Variants in ADAM15 observed in about 807,000 individuals in gnomAD.
The protein encoded by ADAM15 is ADAM metallopeptidase domain 15.
Under a neutral mutation model 113.8 loss-of-function variants are expected in ADAM15, and 77 were observed. That is an observed-to-expected ratio of 0.68 (90% CI 0.56 to 0.82). ADAM15 has a LOEUF of 0.82. ADAM15 is among the 40% of genes least tolerant of loss of function. ADAM15 has a pLI of 0.00. For missense variants in ADAM15, 963 were observed against 1,120.1 expected (o/e 0.86, Z 2.00); for synonymous variants, 388 against 454.1 (o/e 0.85, Z 1.85).
At chr1:155,061,342 C>T in intron 19 of ADAM15, 73 bp from the exon 20 acceptor site, 4 of 1,283,212 alleles carry the variant, frequency 3.1e-6, no homozygotes, top group Non-Finnish European at 4.4e-6. Flanking sequence ...TGGGCACTGA[C>T]CCTTCCCTGC....
intron 18 of ADAM15, 91 bp from the exon 19 acceptor site, chr1:155,060,672 G>T: frequency 7.1e-7 from 1 of 1,405,562 alleles, no homozygotes; most frequent in Non-Finnish European, 1.0e-6. Flanking sequence ...ATAAGTGCCT[G>T]CAAAGGGTTA....
At chr1:155,059,684 A>C (rs1348048234) in intron 16 of ADAM15, among the ~76,000 whole-genome samples, 1 of 152,192 alleles carries the variant, frequency 6.6e-6, no homozygotes, top group African/African-American at 2.4e-5. Flanking sequence ...ACAAAGAAAG[A>C]AAGCATGTAC....
chr1:155,051,549 G>A, intron 1 of ADAM15, 84 bp downstream of exon 1: 1 of 1,297,234 alleles, frequency 7.7e-7, no homozygotes, highest in Non-Finnish European at 1.0e-6. Context: ...TAATGGGGCC[G>A]GACGGAGACC....
chr1:155,057,403 A>T lies in ADAM15; in HGVS notation c.1323+41A>T, dbSNP rs1286194924. The stretch of plus-strand genomic sequence containing the variant: ...AAAGCCTCGCCCCACTCACTTCTGT[A>T]CCCTCACCCTGGCTCATTAGCCCTA... On this transcript the variant is annotated intron_variant, in intron 12 of 22. Coordinates refer to ENST00000356955, the MANE Select transcript of ADAM15 (RefSeq NM_207197.3). This position sits in a 1 kb window ranked among gnomAD's most constrained non-coding sequence, Gnocchi z 5.0. 6.2e-7 allele frequency: 1 copy of T among 1,609,064 alleles called. No individual in the cohort carries two copies.
At chr1:155,052,893 G>A in intron 2 of ADAM15, 116 bp downstream of exon 2, 2 of 1,377,718 alleles carry the variant, frequency 1.5e-6, no homozygotes, top group Non-Finnish European at 9.8e-7. Flanking sequence ...ACTGTAGTGG[G>A]TCTATCCCAG....
chr1:155,054,444 C>T lies in ADAM15; in HGVS notation c.550C>T (p.Arg184Trp), dbSNP rs766437810. 11 of 1,613,158 alleles carry T rather than the reference C, an allele frequency of 6.8e-6. No homozygotes were observed. Among genetic ancestry groups the T allele is most frequent in the Admixed American group, 5.0e-5 (3 of 59,852 alleles). Residue 184 changes from arginine (R) to tryptophan (W), a missense_variant, in exon 6 of 23, where the codon CGG becomes TGG. Coordinates refer to ENST00000356955, the MANE Select transcript of ADAM15 (RefSeq NM_207197.3). Reference protein sequence around the residue: ...LPGHTCALSWRESVHTQKPPE... With the variant: ...LPGHTCALSWWESVHTQKPPE... The stretch of plus-strand genomic sequence containing the variant: ...AGGCCACACCTGTGCCCTGAGCTGG[C>T]GGGAATCTGTACACACTCAGAAGCC...
Position 155,052,831 on chromosome 1 carries a change from A to G in ADAM15, c.186+54A>G, listed in dbSNP as rs58409393. On this transcript the variant is annotated intron_variant, in intron 2 of 22. Transcript: ENST00000356955. ...AACGAATCCACACACGCCCCGGTAT[A>G]GCCAGGTGTCTCAAAGCCAAAGCTT... 3,129 of 1,545,430 alleles carry G rather than the reference A, an allele frequency of 2.0e-3. 55 individuals are homozygous for G. The African/African-American group carries it at 0.038, about 19-fold the overall frequency.
At chr1:155,060,960 A>T in intron 19 of ADAM15, 128 bp downstream of exon 19, 1 of 915,314 alleles carries the variant, frequency 1.1e-6, no homozygotes, top group Non-Finnish European at 1.6e-6. Flanking sequence ...CAGTCGAAGG[A>T]GTCAGGGCCA....
Position 155,056,540 on chromosome 1 carries a change from T to G in ADAM15, c.999+70T>G, listed in dbSNP as rs1051576553. ...CCCAAGTGTGGTGGCATTTATGCAC[T>G]GAAACCCCCCTATAAAGTTGCCCAA... On this transcript the variant is annotated intron_variant, in intron 10 of 22. Coordinates refer to ENST00000356955, the MANE Select transcript of ADAM15 (RefSeq NM_207197.3). The surrounding 1 kb of genome is among the most constrained non-coding windows in gnomAD (Gnocchi z 4.0). 2 of 1,484,728 alleles carry G rather than the reference T, an allele frequency of 1.3e-6. No homozygotes were observed. Among genetic ancestry groups the G allele is most frequent in the South Asian group, 1.2e-5 (1 of 85,796 alleles). The allele number at this position is 1,484,728 out of a possible 1,614,324, so 92.0% of individuals were successfully genotyped here. A position where few individuals can be genotyped will look rare whatever the true frequency, so the allele number is the denominator to read the frequency against.
Position 155,056,214 on chromosome 1 carries a change from G to A in ADAM15, c.879G>A (p.Leu293=). The A allele has an allele frequency of 1.2e-6, 2 of 1,613,990 alleles. No homozygotes were observed. The highest frequency in any genetic ancestry group is 1.7e-6 in the Non-Finnish European group (2 of 1,180,042). ...NFLHWRRAHL[L]PRLPHDSAQL... ...TCCACTGGCGCAGGGCACATTTGCTGCCTCGATTGCCCCATGACAGTGCCC... is the reference window on the plus strand; with the variant it reads ...TCCACTGGCGCAGGGCACATTTGCTACCTCGATTGCCCCATGACAGTGCCC... Residue 293 remains leucine (L), a synonymous_variant, in exon 9 of 23, where the codon CTG becomes CTA. Transcript: ENST00000356955. The surrounding 1 kb of genome is among the most constrained non-coding windows in gnomAD (Gnocchi z 4.0).
At position 155,056,842 on chromosome 1, in the gene ADAM15, C is replaced by T. The variant is rs989753925; in HGVS notation, c.1000-111C>T. On this transcript the variant is annotated intron_variant, in intron 10 of 22. Coordinates refer to ENST00000356955, the MANE Select transcript of ADAM15 (RefSeq NM_207197.3). This position sits in a 1 kb window ranked among gnomAD's most constrained non-coding sequence, Gnocchi z 4.0. ...CAATTCAGGAGGGAAGCAGTGCCTG[C>T]TGAGTGCCCACGAGGTCAGACGTGG... 15 of 1,439,110 alleles carry T rather than the reference C, an allele frequency of 1.0e-5. No individual in the cohort carries two copies. In the African/African-American group the frequency reaches 1.6e-4, roughly 15 times the overall value. 89.1% of individuals were successfully genotyped at this position (1,439,110 alleles called of 1,614,324 possible).
intron 18 of ADAM15, 46 bp from the exon 19 acceptor site, chr1:155,060,717 G>T: frequency 6.3e-7 from 1 of 1,581,014 alleles, no homozygotes; most frequent in Non-Finnish European, 8.7e-7. Context: ...TAGAAAACAG[G>T]GTCTGAGGCT....
chr1:155,058,321 C>A lies in ADAM15; in HGVS notation c.1797C>A (p.Leu599=). The A allele has an allele frequency of 6.2e-7, 1 of 1,614,114 alleles. No homozygotes were observed. Among genetic ancestry groups the A allele is most frequent in the Non-Finnish European group, 8.5e-7 (1 of 1,180,038 alleles). ...QPLLGSIRDL[L]WETIDVNGTE... ...TGCTGGGCTCCATCCGGGATCTACTCTGGGAGACAATAGATGTGAATGGGA... is the reference window on the plus strand; with the variant it reads ...TGCTGGGCTCCATCCGGGATCTACTATGGGAGACAATAGATGTGAATGGGA... The change falls in exon 15 of 23, where the codon CTC becomes CTA. Residue 599 remains leucine (L), a synonymous_variant. Transcript: ENST00000356955. The surrounding 1 kb of genome is among the most constrained non-coding windows in gnomAD (Gnocchi z 4.3).
Position 155,053,937 on chromosome 1 carries a change from G to T in ADAM15, c.291G>T (p.Leu97=). 2 of 1,614,180 alleles carry T rather than the reference G, an allele frequency of 1.2e-6. No homozygotes were observed. The highest frequency in any genetic ancestry group is 1.7e-6 in the Non-Finnish European group (2 of 1,180,030). The change falls in exon 4 of 23, where the codon CTG becomes CTT. Residue 97 remains leucine, a synonymous_variant. Transcript: ENST00000356955. ...AGTTGGTCCCAGGCCGCCCAACCCT[G>T]GTGTGGTACCAGCCCGATGGCACTC... ...NRELVPGRPT[L]VWYQPDGTRV...
In ADAM15 at chr1:155,057,424, C is replaced by A; in HGVS notation, c.1323+62C>A. On this transcript the variant is annotated intron_variant, in intron 12 of 22. Coordinates refer to ENST00000356955, the MANE Select transcript of ADAM15 (RefSeq NM_207197.3). The surrounding 1 kb of genome is among the most constrained non-coding windows in gnomAD (Gnocchi z 5.0). ...CTGTACCCTCACCCTGGCTCATTAGCCCTATCCCAGCCTCCTGAGCTCTTG... is the reference window on the plus strand; with the variant it reads ...CTGTACCCTCACCCTGGCTCATTAGACCTATCCCAGCCTCCTGAGCTCTTG... 1.3e-6 allele frequency: 2 copies of A among 1,597,170 alleles called. No homozygotes were observed. The highest frequency in any genetic ancestry group is 1.7e-6 in the Non-Finnish European group (2 of 1,167,900).
rs911955498 is a variant in ADAM15, at chr1:155,059,991, G to T, written c.2068+17G>T. 3.7e-6 allele frequency: 6 copies of T among 1,613,526 alleles called. No individual in the cohort carries two copies. The highest frequency in any genetic ancestry group is 1.6e-4 in the Middle Eastern group (1 of 6,074). The stretch of plus-strand genomic sequence containing the variant: ...AGCTCAAAGGTAGCATGGGGGTGGG[G>T]GACAGGGGCAGCTGGGAGGGCAAAG... On this transcript the variant is annotated intron_variant, in intron 17 of 22. Coordinates refer to ENST00000356955, the MANE Select transcript of ADAM15 (RefSeq NM_207197.3).
chr1:155,059,998 G>A (rs1662351247), intron 17 of ADAM15, 24 bp downstream of exon 17: 1 of 1,613,258 alleles, frequency 6.2e-7, no homozygotes, highest in Admixed American at 1.7e-5. Flanking sequence ...GGGGGACAGG[G>A]GCAGCTGGGA....
Position 155,051,462 on chromosome 1 carries a change from A to G in ADAM15, c.76A>G (p.Ile26Val). ...TCTGCCTTCCTGGCCGCTCCCAAAT[A>G]TAGGTGAGTCCTCCGCCTGGAGTGG... ...SPLPSWPLPNIGGTEEQQAES... is the reference protein window; with the variant it reads ...SPLPSWPLPNVGGTEEQQAES... Residue 26 changes from isoleucine (I) to valine (V), a missense_variant, in exon 1 of 23, where the codon ATA becomes GTA. Coordinates refer to ENST00000356955, the MANE Select transcript of ADAM15 (RefSeq NM_207197.3). 1 of 1,562,190 alleles carries G rather than the reference A, an allele frequency of 6.4e-7. No homozygotes were observed. Among genetic ancestry groups the G allele is most frequent in the East Asian group, 2.5e-5 (1 of 39,634 alleles).
chr1:155,058,893 T>C lies in ADAM15; in HGVS notation c.1995+106T>C, dbSNP rs1454230468. ...ATCTGGGTTTTAATCCTTGCTCTAC[T>C]ACTTCCCAGTTGTGTGACCTCGGGC... On this transcript the variant is annotated intron_variant, in intron 16 of 22. Coordinates refer to ENST00000356955, the MANE Select transcript of ADAM15 (RefSeq NM_207197.3). This position sits in a 1 kb window ranked among gnomAD's most constrained non-coding sequence, Gnocchi z 4.3. The C allele has an allele frequency of 4.3e-6, 6 of 1,396,524 alleles. No homozygotes were observed. The highest frequency in any genetic ancestry group is 5.7e-6 in the Non-Finnish European group (6 of 1,049,930). The allele number at this position is 1,396,524 out of a possible 1,614,324, so 86.5% of individuals were successfully genotyped here.
Sources: allele counts gnomAD v4.1 joint callset (sites outside exome capture counted in the v4.1 genomes callset), GRCh38; gene constraint gnomAD v4.1.1; non-coding constraint Gnocchi (gnomAD v3.1); transcripts MANE v1.5; gene names NCBI Gene and HGNC (gene_info 2026-07-23, HGNC 2026-07-21).